WTIP: variants seen among roughly 807,000 people sequenced by gnomAD.
WTIP encodes the protein Wilms tumor protein 1-interacting protein.
In WTIP, 23 loss-of-function variants were observed where a neutral mutation model predicts 41.7. The observed-to-expected ratio is 0.55, with a 90% confidence interval of 0.40 to 0.78. The LOEUF is 0.78. Among genes scored for constraint, WTIP ranks in the 30% least tolerant of loss-of-function variants. WTIP has a pLI of 0.00. For missense variants in WTIP, 619 were observed against 610.5 expected, an observed-to-expected ratio of 1.01 and a Z score of -0.15; for synonymous variants, 314 against 269.9, an observed-to-expected ratio of 1.16 and a Z score of -1.60.
rs771778988 is a variant in WTIP at position 34,503,688 on chromosome 19, C to T, written c.*3419C>T. The T allele has an allele frequency of 2.0e-5, 3 of 152,624 alleles. No individual in the cohort carries two copies. Among genetic ancestry groups the T allele is most frequent in the African/African-American group, 7.2e-5 (3 of 41,444 alleles). The allele number at this position is 152,624 out of a possible 1,614,324, so 9.5% of individuals were successfully genotyped here. A position where few individuals can be genotyped will look rare whatever the true frequency, so the allele number is the denominator to read the frequency against. On this transcript the variant is annotated 3_prime_UTR_variant, in exon 8 of 8. Transcript: ENST00000590071. The stretch of plus-strand genomic sequence containing the variant: ...ATCCCTGTCCCCGCTATGCGGTGAG[C>T]TCTTCAGCTTGGGCCCGCCTGGTGG...
chr19:34,489,673 G>A (rs2075815724), intron 1 of WTIP, among the ~76,000 whole-genome samples: 1 of 152,204 alleles, frequency 6.6e-6, no homozygotes, highest in Admixed American at 6.5e-5. Context: ...TGGGTGTGGT[G>A]ACTCCACGCC....
At chr19:34,486,934 A>AG (rs2075800852) in intron 1 of WTIP, among the ~76,000 whole-genome samples, 1 of 110,182 alleles carries the variant, frequency 9.1e-6, no homozygotes, top group African/African-American at 7.1e-5. Context: ...GTTTCTTTTT[A>AG]ATTTTTTTTT....
rs561900360 is a variant in WTIP at position 34,493,246 on chromosome 19, C to A, written c.838-17C>A. 6 of 1,613,596 alleles carry A rather than the reference C, an allele frequency of 3.7e-6. No individual in the cohort carries two copies. In the South Asian group the frequency reaches 6.6e-5, roughly 18 times the overall value. On this transcript the variant is annotated splice_polypyrimidine_tract_variant and intron_variant, in intron 3 of 7. Transcript: ENST00000590071. The surrounding 1 kb of genome is among the most constrained non-coding windows in gnomAD (Gnocchi z 4.1). ...CCCTTTGTCACACAATGTCCTGGAT[C>A]CTGTGTCCCCTCCCAGTACTCCGGG...
At position 34,500,055 on chromosome 19, in the gene WTIP, C is replaced by A. The variant is rs1050538477; in HGVS notation, c.1153-74C>A. 1.5e-5 allele frequency: 23 copies of A among 1,555,454 alleles called. No individual in the cohort carries two copies. In the Middle Eastern group the frequency reaches 7.0e-4, roughly 47 times the overall value. ...CTGCAGATCTGCCCCTCCCCTCCGT[C>A]CCTCCCCCGTCCCGTGACCTCTGAT... On this transcript the variant is annotated intron_variant, in intron 7 of 7. Transcript: ENST00000590071.
chr19:34,495,576 C>T, intron 6 of WTIP, 127 bp from the exon 7 acceptor site: 2 of 974,540 alleles, frequency 2.1e-6, no homozygotes, highest in South Asian at 1.5e-5. Context: ...AGCAGCGTGG[C>T]AGTGCTCCCC....
chr19:34,490,352 T>C (rs1409946104), intron 1 of WTIP, 24 bp from the exon 2 acceptor site: 1 of 1,611,550 alleles, frequency 6.2e-7, no homozygotes, highest in Non-Finnish European at 8.5e-7. Context: ...TAACCCCTGC[T>C]CTCTCCTGCC....
rs966008477 is a variant in WTIP at position 34,502,539 on chromosome 19, G to A, written c.*2270G>A. On this transcript the variant is annotated 3_prime_UTR_variant, in exon 8 of 8. Coordinates refer to ENST00000590071, the MANE Select transcript of WTIP (RefSeq NM_001080436.2). Reference sequence around the variant, plus strand: ...TCCCACGTTCAAGCATTCTGCCTCAGCCTTCCAAGTGCTGGGATTACAAGT... The same window carrying A: ...TCCCACGTTCAAGCATTCTGCCTCAACCTTCCAAGTGCTGGGATTACAAGT... The A allele has an allele frequency of 1.3e-5, 2 of 151,766 alleles. No individual in the cohort carries two copies. The highest frequency in any genetic ancestry group is 4.9e-5 in the African/African-American group (2 of 41,200). The allele number at this position is 151,766 out of a possible 1,614,324, so 9.4% of individuals were successfully genotyped here.
At chr19:34,488,193 A>G (rs1485308340) in intron 1 of WTIP, among the ~76,000 whole-genome samples, 4 of 151,760 alleles carry the variant, frequency 2.6e-5, no homozygotes, top group African/African-American at 9.7e-5. Flanking sequence ...CTGCTGCCTC[A>G]GCCTCCCAAG....
intron 7 of WTIP, among the ~76,000 whole-genome samples, 195 bp downstream of exon 7, chr19:34,495,966 G>A (rs1599960001): frequency 6.6e-6 from 1 of 152,272 alleles, no homozygotes; most frequent in African/African-American, 2.4e-5. Flanking sequence ...AGACCAGCCT[G>A]GCCAACATGG....
chr19:34,486,645 C>T (rs979241855), intron 1 of WTIP, among the ~76,000 whole-genome samples: 8 of 152,116 alleles, frequency 5.3e-5, no homozygotes, highest in Admixed American at 2.0e-4. Flanking sequence ...GGATTACAGG[C>T]GTGAGCCACC....
chr19:34,495,644 C>G, intron 6 of WTIP, 59 bp from the exon 7 acceptor site: 1 of 1,588,770 alleles, frequency 6.3e-7, no homozygotes, highest in East Asian at 2.2e-5. Flanking sequence ...TGTACACTCA[C>G]GCAGTTTGCC....
intron 7 of WTIP, among the ~76,000 whole-genome samples, chr19:34,497,804 C>A (rs1345406638): frequency 2.0e-5 from 3 of 152,140 alleles, no homozygotes; most frequent in Non-Finnish European, 4.4e-5. Context: ...GGATGGTCTG[C>A]AGAGGGGCCA....
chr19:34,507,088 G>T lies in WTIP; in HGVS notation c.*6819G>T, dbSNP rs910715170. 3.3e-5 allele frequency: 5 copies of T among 151,990 alleles called. No homozygotes were observed. Among genetic ancestry groups the T allele is most frequent in the African/African-American group, 9.7e-5 (4 of 41,364 alleles). The allele number at this position is 151,990 out of a possible 1,614,324, so 9.4% of individuals were successfully genotyped here. A position where few individuals can be genotyped will look rare whatever the true frequency, so the allele number is the denominator to read the frequency against. On this transcript the variant is annotated 3_prime_UTR_variant, in exon 8 of 8. Coordinates refer to ENST00000590071, the MANE Select transcript of WTIP (RefSeq NM_001080436.2). ...AATACAAAATTTTTAGCCGGGCATG[G>T]TGGCGCATGCCTGTAATCCCAGCTA...
Position 34,490,417 on chromosome 19 carries a change from C to A in WTIP, c.709C>A (p.Gln237Lys). 6 of 1,614,036 alleles carry A rather than the reference C, an allele frequency of 3.7e-6. No homozygotes were observed. Among genetic ancestry groups the A allele is most frequent in the Non-Finnish European group, 5.1e-6 (6 of 1,179,896 alleles). The change falls in exon 2 of 8, where the codon CAG (glutamine) becomes AAG (lysine). Residue 237 changes from glutamine to lysine, a missense_variant. This residue lies in a region of WTIP where 164 missense variants were observed against 219.1 expected (regional missense o/e 0.75). Transcript: ENST00000590071. Reference sequence around the variant, plus strand: ...TGGGCTTGGCATCTACGGAGCCCAGCAGGCGTGCCAGGCAATGGGGAGTCT... The same window carrying A: ...TGGGCTTGGCATCTACGGAGCCCAGAAGGCGTGCCAGGCAATGGGGAGTCT... ...KCGLGIYGAQ[Q>K]ACQAMGSLYH...
At chr19:34,489,658 T>A (rs191641881) in intron 1 of WTIP, among the ~76,000 whole-genome samples, 1 of 152,332 alleles carries the variant, frequency 6.6e-6, no homozygotes, top group East Asian at 1.9e-4. Context: ...GATACCATGA[T>A]AGGCTGGGTG....
chr19:34,482,423 G>A lies in WTIP; in HGVS notation c.449G>A (p.Arg150Gln). 7.5e-7 allele frequency: 1 copy of A among 1,340,212 alleles called. No homozygotes were observed. The highest frequency in any genetic ancestry group is 9.6e-7 in the Non-Finnish European group (1 of 1,043,670). The allele number at this position is 1,340,212 out of a possible 1,614,324, so 83.0% of individuals were successfully genotyped here. A position where few individuals can be genotyped will look rare whatever the true frequency, so the allele number is the denominator to read the frequency against. The change falls in exon 1 of 8, where the codon CGG becomes CAG. Residue 150 changes from arginine to glutamine, a missense_variant. Coordinates refer to ENST00000590071, the MANE Select transcript of WTIP (RefSeq NM_001080436.2). ...ARSSVSSLGSRGSAGAYADFL... is the reference protein window; with the variant it reads ...ARSSVSSLGSQGSAGAYADFL... ...TCCAGCGTTTCCAGCCTCGGCTCCC[G>A]GGGCTCGGCCGGCGCCTACGCTGAC...
rs2075916499 is a variant in WTIP, at chr19:34,507,358, G to C, written c.*7089G>C. 6.6e-6 allele frequency: 1 copy of C among 150,776 alleles called. No homozygotes were observed. 9.3% of individuals were successfully genotyped at this position (150,776 alleles called of 1,614,324 possible). On this transcript the variant is annotated 3_prime_UTR_variant, in exon 8 of 8. Transcript: ENST00000590071. ...TCAGAACAGGATTCTTATAACAAAAGCAGTTGTCTTAAGATGAATGGCTCA... is the reference window on the plus strand; with the variant it reads ...TCAGAACAGGATTCTTATAACAAAACCAGTTGTCTTAAGATGAATGGCTCA...
chr19:34,497,520 AAAG>A (rs1178049155), intron 7 of WTIP, among the ~76,000 whole-genome samples: 3 of 152,142 alleles, frequency 2.0e-5, no homozygotes, highest in East Asian at 3.9e-4. Flanking sequence ...ATGAGTTGGA[AAAG>A]AAGGAGTGGG....
chr19:34,483,022 T>TTTTTA, intron 1 of WTIP, among the ~76,000 whole-genome samples: 1 of 145,972 alleles, frequency 6.9e-6, no homozygotes, highest in Middle Eastern at 3.3e-3. Flanking sequence ...TTTTTTTTTT[T>TTTTTA]GAGACAGGGT....
Sources: gnomAD v4.1 joint callset for allele counts (sites outside exome capture counted in the v4.1 genomes callset) on GRCh38, gnomAD v4.1.1 for gene constraint, gnomAD v4.1.1 regional missense constraint, Gnocchi (gnomAD v3.1) non-coding constraint, MANE v1.5 for transcripts, NCBI Gene and HGNC (gene_info 2026-07-23, HGNC 2026-07-21) for gene names.